Variants in KIT observed in about 807,000 individuals in gnomAD.
KIT encodes KIT proto-oncogene, receptor tyrosine kinase.
A neutral mutation model predicts 105.7 loss-of-function variants in KIT; 16 were observed. The ratio of observed to expected loss-of-function variants is 0.15; its 90% CI spans 0.10 to 0.23. The LOEUF (loss-of-function observed/expected upper bound fraction) is 0.23. KIT is among the 10% of genes least tolerant of loss of function. KIT has a pLI of 1.00. For missense variants in KIT, 858 were observed against 1,213.8 expected (o/e 0.71, Z 4.36); for synonymous variants, 438 against 441.1 (o/e 0.99, Z 0.09).
At chr4:54,717,566 G>T (rs920832650) in intron 7 of KIT, among the ~76,000 whole-genome samples, 1 of 152,096 alleles carries the variant, frequency 6.6e-6, no homozygotes, top group Non-Finnish European at 1.5e-5. Flanking sequence ...CATAGACTTC[G>T]CTAAAAGCAG....
Position 54,736,715 on chromosome 4 carries a change from T to A in KIT, c.2597-6T>A, listed in dbSNP as rs1367451109. 2 of 1,613,556 alleles carry A rather than the reference T, an allele frequency of 1.2e-6. No homozygotes were observed. Among genetic ancestry groups the A allele is most frequent in the Non-Finnish European group, 8.5e-7 (1 of 1,179,458 alleles). On this transcript the variant is annotated splice_polypyrimidine_tract_variant and splice_region_variant and intron_variant, in intron 18 of 20. Coordinates refer to ENST00000288135, the MANE Select transcript of KIT (RefSeq NM_000222.3). ...GATTAACACTGCTTTGCAAACTGTG[T>A]CTCAGGAAGCAGCCCCTATCCTGGA...
rs1722023222 is a variant in KIT at position 54,723,572 on chromosome 4, G to A, written c.1232-12G>A. On this transcript the variant is annotated splice_polypyrimidine_tract_variant and intron_variant, in intron 7 of 20. Transcript: ENST00000288135. ...AGCACTCTGACATATGGCCATTTCT[G>A]TTTTCCTGTAGCAAAACCAGAAATC... The A allele has an allele frequency of 9.4e-6, 15 of 1,592,428 alleles. No homozygotes were observed. Among genetic ancestry groups the A allele is most frequent in the Non-Finnish European group, 1.3e-5 (15 of 1,160,366 alleles).
chr4:54,683,989 T>C (rs1295848708), intron 1 of KIT, among the ~76,000 whole-genome samples: 1 of 152,120 alleles, frequency 6.6e-6, no homozygotes, highest in African/African-American at 2.4e-5. Flanking sequence ...AAGCAGAACA[T>C]GAAAATGCTA....
intron 4 of KIT, among the ~76,000 whole-genome samples, chr4:54,700,883 CA>C (rs1720412651): frequency 6.6e-6 from 1 of 152,144 alleles, no homozygotes; most frequent in East Asian, 1.9e-4. Context: ...TCTTTCAAAC[CA>C]ATGACTCAGA....
At chr4:54,685,870 T>C (rs1259130000) in intron 1 of KIT, among the ~76,000 whole-genome samples, 2 of 152,242 alleles carry the variant, frequency 1.3e-5, no homozygotes, top group African/African-American at 4.8e-5. Context: ...AATCTTTTTC[T>C]GAGCCTTCTC....
At chr4:54,715,415 A>G (rs531251595) in intron 7 of KIT, among the ~76,000 whole-genome samples, 1 of 152,038 alleles carries the variant, frequency 6.6e-6, no homozygotes, top group African/African-American at 2.4e-5. Flanking sequence ...TTATAAAGAA[A>G]AGAGATTTAT....
At chr4:54,698,155 T>G in intron 2 of KIT, 129 bp from the exon 3 acceptor site, 1 of 965,634 alleles carries the variant, frequency 1.0e-6, no homozygotes, top group African/African-American at 1.6e-5. Flanking sequence ...ATTTTGCTTT[T>G]GTTTACACAG....
At chr4:54,670,409 C>T (rs1163868455) in intron 1 of KIT, among the ~76,000 whole-genome samples, 1 of 152,182 alleles carries the variant, frequency 6.6e-6, no homozygotes, top group Non-Finnish European at 1.5e-5. Flanking sequence ...AGAGGTTCTT[C>T]TAACACTTGG....
chr4:54,693,464 C>G (rs1432215140), intron 1 of KIT, among the ~76,000 whole-genome samples: 1 of 152,136 alleles, frequency 6.6e-6, no homozygotes, highest in East Asian at 1.9e-4. Flanking sequence ...CTTTAATGAT[C>G]TGATCTTGTT....
At chr4:54,684,730 C>A (rs1374305209) in intron 1 of KIT, among the ~76,000 whole-genome samples, 1 of 152,238 alleles carries the variant, frequency 6.6e-6, no homozygotes, top group Admixed American at 6.5e-5. Context: ...CCATGTCCCA[C>A]TTCTGCCATA....
At position 54,740,276 on chromosome 4, in the gene KIT, A is replaced by G. The variant is rs1340887258; in HGVS notation, c.*1719A>G. ...TTTTGGGGTTGTGTTGTCACCCAAG[A>G]GATTGTTGTTTGCCATACTTTGTCT... On this transcript the variant is annotated 3_prime_UTR_variant, in exon 21 of 21. Coordinates refer to ENST00000288135, the MANE Select transcript of KIT (RefSeq NM_000222.3). 4.3e-6 allele frequency: 1 copy of G among 233,394 alleles called. No individual in the cohort carries two copies. The highest frequency in any genetic ancestry group is 8.5e-6 in the Non-Finnish European group (1 of 117,976). 14.5% of individuals were successfully genotyped at this position (233,394 alleles called of 1,614,324 possible).
At chr4:54,705,942 C>T (rs1184864690) in intron 5 of KIT, among the ~76,000 whole-genome samples, 1 of 152,260 alleles carries the variant, frequency 6.6e-6, no homozygotes, top group East Asian at 1.9e-4. Context: ...TGCTAAAGTA[C>T]TTAAAGCAGT....
chr4:54,687,254 A>G (rs982676280), intron 1 of KIT, among the ~76,000 whole-genome samples: 2 of 152,146 alleles, frequency 1.3e-5, no homozygotes, highest in Admixed American at 1.3e-4. Flanking sequence ...ACTGGCCAAC[A>G]TAGTGAAACT....
At chr4:54,729,166 C>G in intron 13 of KIT, 169 bp from the exon 14 acceptor site, 1 of 669,162 alleles carries the variant, frequency 1.5e-6, no homozygotes, top group Non-Finnish European at 2.6e-6. Flanking sequence ...CCACATAAGG[C>G]TGCTTTTTTG....
intron 7 of KIT, among the ~76,000 whole-genome samples, chr4:54,714,478 A>G (rs1249581838): frequency 6.6e-6 from 1 of 152,114 alleles, no homozygotes; most frequent in Admixed American, 6.6e-5. Context: ...ATAAATAACA[A>G]ACTTTATAGT....
At chr4:54,681,988 C>CAA (rs1160059266) in intron 1 of KIT, among the ~76,000 whole-genome samples, 1 of 151,690 alleles carries the variant, frequency 6.6e-6, no homozygotes, top group Non-Finnish European at 1.5e-5. Context: ...CAAACAAAAA[C>CAA]AAAGTAGATG....
At chr4:54,682,090 CTTT>C (rs375084454) in intron 1 of KIT, among the ~76,000 whole-genome samples, 5 of 128,970 alleles carry the variant, frequency 3.9e-5, no homozygotes, top group Admixed American at 7.7e-5. Flanking sequence ...ACTGAATTTT[CTTT>C]TTTTTTTTTT....
chr4:54,658,218 A>T (rs1020052397), intron 1 of KIT, 137 bp downstream of exon 1: 90 of 865,928 alleles, frequency 1.0e-4, no homozygotes, highest in Non-Finnish European at 1.6e-4. Flanking sequence ...CTCCGGGGAG[A>T]CTCCAGGTGG....
intron 13 of KIT, 121 bp downstream of exon 13, chr4:54,728,242 G>A: frequency 1.3e-6 from 1 of 747,262 alleles, no homozygotes; most frequent in Non-Finnish European, 2.4e-6. Context: ...CCAGACTGTT[G>A]TTCTCTCTTG....
Sources: allele counts gnomAD v4.1 joint callset (sites outside exome capture counted in the v4.1 genomes callset), GRCh38; gene constraint gnomAD v4.1.1; transcripts MANE v1.5; gene names NCBI Gene and HGNC (gene_info 2026-07-23, HGNC 2026-07-21).